The following ADAMTS2 variants were observed in gnomAD, a reference collection of about 807,000 sequenced individuals.
ADAMTS2 encodes the protein ADAM metallopeptidase with thrombospondin type 1 motif 2, also known as A disintegrin and metalloproteinase with thrombospondin motifs 2.
A neutral mutation model predicts 123.0 loss-of-function variants in ADAMTS2; 50 were observed. The ratio of observed to expected loss-of-function variants is 0.41; its 90% CI spans 0.32 to 0.51. The LOEUF (loss-of-function observed/expected upper bound fraction) is 0.51, where lower values mean the gene tolerates loss of function less well. Ranked by LOEUF, ADAMTS2 falls within the 20% of genes least tolerant of loss-of-function variation. The probability of loss-of-function intolerance (pLI) is 0.35; values close to 1 mark genes in which losing one functional copy is unlikely to be tolerated. For missense variants in ADAMTS2, 1,494 were observed against 1,705.2 expected (o/e 0.88, Z 2.18); for synonymous variants, 678 against 695.4 (o/e 0.98, Z 0.39).
rs893111723 is a variant in ADAMTS2 at position 179,242,074 on chromosome 5, C to T, written c.688+30837G>A. ...AACACATGACTGGAGTGAGACTAATCATGGGTCTTCCATGAGATCTGAACA... is the reference window on the plus strand; with the variant it reads ...AACACATGACTGGAGTGAGACTAATTATGGGTCTTCCATGAGATCTGAACA... On this transcript the variant is annotated intron_variant, in intron 3 of 21. Coordinates refer to ENST00000251582, the MANE Select transcript of ADAMTS2 (RefSeq NM_014244.5). The surrounding 1 kb of genome is among the most constrained non-coding windows in gnomAD (Gnocchi z 4.2). Among the ~76,000 whole-genome samples the T allele has an allele frequency of 1.2e-4, 19 of 152,266 alleles. No homozygotes were observed. Among genetic ancestry groups the T allele is most frequent in the Admixed American group, 7.2e-4 (11 of 15,294 alleles).
intron 1 of ADAMTS2, 21 bp from the exon 2 acceptor site, chr5:179,344,182 A>T: frequency 1.3e-6 from 2 of 1,573,592 alleles, no homozygotes; most frequent in East Asian, 4.6e-5. Flanking sequence ...AAGGGGCGTT[A>T]GATCGGCGGA....
chr5:179,183,197 C>T (rs192679624), intron 4 of ADAMTS2, among the ~76,000 whole-genome samples: 271 of 152,318 alleles, frequency 1.8e-3, no homozygotes, highest in African/African-American at 6.0e-3. Context: ...GTTTAGTCCA[C>T]GCTGGCACAG....
intron 2 of ADAMTS2, among the ~76,000 whole-genome samples, chr5:179,319,870 C>T (rs1257812241): frequency 1.3e-5 from 2 of 152,300 alleles, no homozygotes; most frequent in South Asian, 2.1e-4. Flanking sequence ...CTGGTCAGCA[C>T]GTTCACACCC....
intron 3 of ADAMTS2, among the ~76,000 whole-genome samples, chr5:179,244,057 A>G (rs1765727227): frequency 6.6e-6 from 1 of 152,222 alleles, no homozygotes; most frequent in African/African-American, 2.4e-5. Flanking sequence ...CATATGCACA[A>G]TGGGAGTCCC....
intron 3 of ADAMTS2, among the ~76,000 whole-genome samples, chr5:179,261,488 G>C (rs190558803): frequency 6.6e-6 from 1 of 152,162 alleles, no homozygotes; most frequent in Non-Finnish European, 1.5e-5. Flanking sequence ...GCCAGGGCTC[G>C]AGCGCGTCTG....
At chr5:179,159,437 G>A (rs959161180) in intron 5 of ADAMTS2, among the ~76,000 whole-genome samples, 1 of 152,222 alleles carries the variant, frequency 6.6e-6, no homozygotes, top group Non-Finnish European at 1.5e-5. Flanking sequence ...CATATTTGGT[G>A]GGTGCAAAAG....
In ADAMTS2 at chr5:179,326,430, C is replaced by T. The variant is rs557300304; in HGVS notation, c.534+17337G>A. ...GCCTCCACTGGCAACACATCCCAGG[C>T]CGGTGATGCCTGGGGCAGGGAGAGC... On this transcript the variant is annotated intron_variant, in intron 2 of 21. Transcript: ENST00000251582. 1.2e-4 allele frequency among the ~76,000 whole-genome samples: 18 copies of T among 152,178 alleles called. No individual in the cohort carries two copies. The East Asian group carries it at 3.3e-3, about 28-fold the overall frequency.
At position 179,256,840 on chromosome 5, in the gene ADAMTS2, C is replaced by T. The variant is rs1036655993; in HGVS notation, c.688+16071G>A. Among the ~76,000 whole-genome samples, 5 of 152,258 alleles carry T rather than the reference C, an allele frequency of 3.3e-5. No individual in the cohort carries two copies. Among genetic ancestry groups the T allele is most frequent in the Non-Finnish European group, 4.4e-5 (3 of 68,044 alleles). ...ACTCAACATTTCTGAAGCCGTTGTA[C>T]GAGTCAAATAAAACATTGCGGGGTG... On this transcript the variant is annotated intron_variant, in intron 3 of 21. Transcript: ENST00000251582. The surrounding 1 kb of genome is among the most constrained non-coding windows in gnomAD (Gnocchi z 4.1).
rs189316331 is a variant in ADAMTS2 at position 179,134,777 on chromosome 5, C to A, written c.2085+1132G>T. Among the ~76,000 whole-genome samples, 317 of 45,450 alleles carry A rather than the reference C, an allele frequency of 7.0e-3. 8 individuals carry two copies. Among genetic ancestry groups the A allele is most frequent in the African/African-American group, 0.029 (295 of 10,318 alleles). 29.8% of individuals were successfully genotyped at this position (45,450 alleles called of 152,430 possible). ...CTCCAGCTCCAGCTCCCGGCTCCATCCCCCAGCTCCCGGCTCCAGCCCCCA... is the reference window on the plus strand; with the variant it reads ...CTCCAGCTCCAGCTCCCGGCTCCATACCCCAGCTCCCGGCTCCAGCCCCCA... On this transcript the variant is annotated intron_variant, in intron 13 of 21. Transcript: ENST00000251582.
chr5:179,136,671 C>G (rs1364126333), intron 12 of ADAMTS2, among the ~76,000 whole-genome samples: 1 of 59,108 alleles, frequency 1.7e-5, no homozygotes, highest in Admixed American at 2.1e-4. Context: ...GACTCCATCT[C>G]AAAAAAAAAA....
In ADAMTS2 at chr5:179,280,857, C is replaced by CTT. The variant is rs372561733; in HGVS notation, c.535-7795_535-7794dup. 7.2e-3 allele frequency among the ~76,000 whole-genome samples: 1,101 copies of CTT among 152,048 alleles called. 18 individuals are homozygous for CTT. The highest frequency in any genetic ancestry group is 0.025 in the African/African-American group (1,034 of 41,464). On this transcript the variant is annotated intron_variant, in intron 2 of 21. Transcript: ENST00000251582. ...TCATTTTTCATTATAAAGTTCAATG[C>CTT]TTTTTTTCTTCTTTTTTTGAGACAG...
intron 2 of ADAMTS2, among the ~76,000 whole-genome samples, chr5:179,290,538 C>T (rs1004597835): frequency 6.6e-6 from 1 of 152,194 alleles, no homozygotes; most frequent in African/African-American, 2.4e-5. Flanking sequence ...TGGTTTCAGT[C>T]CTTGTTCTAC....
At chr5:179,301,964 G>A (rs2431424) in intron 2 of ADAMTS2, among the ~76,000 whole-genome samples, 1 of 152,186 alleles carries the variant, frequency 6.6e-6, no homozygotes, top group Non-Finnish European at 1.5e-5. Context: ...TGCACACCTC[G>A]CCCCTGGGTG....
intron 3 of ADAMTS2, among the ~76,000 whole-genome samples, chr5:179,237,322 T>C (rs942979659): frequency 1.4e-4 from 22 of 152,292 alleles, no homozygotes; most frequent in African/African-American, 5.1e-4. Flanking sequence ...GAGAGCTCTC[T>C]TGCCCCTTGC....
At chr5:179,278,850 C>G (rs2113525663) in intron 2 of ADAMTS2, among the ~76,000 whole-genome samples, 1 of 151,824 alleles carries the variant, frequency 6.6e-6, no homozygotes, top group Non-Finnish European at 1.5e-5. Context: ...CTGCCTCTTC[C>G]TTCTATAGAA....
chr5:179,196,065 T>C (rs1373775721), intron 4 of ADAMTS2, among the ~76,000 whole-genome samples: 2 of 152,190 alleles, frequency 1.3e-5, no homozygotes, highest in Non-Finnish European at 2.9e-5. Context: ...GTCCGACCAC[T>C]GCCTTCCCCA....
chr5:179,208,624 G>A (rs1764776872), intron 3 of ADAMTS2, among the ~76,000 whole-genome samples: 1 of 152,136 alleles, frequency 6.6e-6, no homozygotes, highest in Non-Finnish European at 1.5e-5. Context: ...GACCACCCTG[G>A]ACCAGGCTTC....
At chr5:179,187,408 C>T (rs1372786773) in intron 4 of ADAMTS2, among the ~76,000 whole-genome samples, 2 of 152,380 alleles carry the variant, frequency 1.3e-5, no homozygotes, top group African/African-American at 2.4e-5. Context: ...ACCTCAGGAA[C>T]TTTGGACTTG....
At chr5:179,305,482 A>C (rs1756642414) in intron 2 of ADAMTS2, among the ~76,000 whole-genome samples, 1 of 152,214 alleles carries the variant, frequency 6.6e-6, no homozygotes, top group Non-Finnish European at 1.5e-5. Context: ...GAAGAGTTAT[A>C]TAGGTTTATT....
Sources: gnomAD v4.1 joint callset for allele counts (sites outside exome capture counted in the v4.1 genomes callset) on GRCh38, gnomAD v4.1.1 for gene constraint, Gnocchi (gnomAD v3.1) non-coding constraint, MANE v1.5 for transcripts, NCBI Gene and HGNC (gene_info 2026-07-23, HGNC 2026-07-21) for gene names.